The following RP1 variants were observed in gnomAD, a reference collection of about 807,000 sequenced individuals.
The protein encoded by RP1 is RP1 axonemal microtubule associated, also known as oxygen-regulated protein 1.
In RP1, 16 loss-of-function variants were observed where a neutral mutation model predicts 14.8. The observed-to-expected ratio is 1.08, with a 90% CI of 0.73 to 1.65. The LOEUF is 1.65. Ranked by LOEUF, RP1 falls within the 40% of genes most tolerant of loss-of-function variation. The pLI, the probability that RP1 is intolerant of heterozygous loss-of-function variation, is 0.00. For missense variants in RP1, 2,631 were observed against 2,535.0 expected (o/e 1.04, Z -0.81); for synonymous variants, 876 against 883.6 (o/e 0.99, Z 0.15).
chr8:54,581,639 C>T (rs1804794053), intron 1 of RP1, among the ~76,000 whole-genome samples: 1 of 152,156 alleles, frequency 6.6e-6, no homozygotes, highest in African/African-American at 2.4e-5. Flanking sequence ...AAAACTATTC[C>T]TATTTCTCCA....
intron 24 of RP1, among the ~76,000 whole-genome samples, chr8:54,800,880 T>C (rs909825536): frequency 1.3e-5 from 2 of 152,216 alleles, no homozygotes; most frequent in Admixed American, 6.5e-5. Flanking sequence ...ACTATTCAGA[T>C]TGTGGTTTCC....
intron 19 of RP1, among the ~76,000 whole-genome samples, chr8:54,748,616 T>C (rs1809284275): frequency 6.6e-6 from 1 of 152,242 alleles, no homozygotes; most frequent in African/African-American, 2.4e-5. Context: ...GCAAGAACAC[T>C]TAAAATGTTC....
chr8:54,628,572 G>T lies in RP1; in HGVS notation c.4690G>T (p.Val1564Leu), dbSNP rs1413225544. The T allele has an allele frequency of 6.2e-7, 1 of 1,613,836 alleles. No individual in the cohort carries two copies. Among genetic ancestry groups the T allele is most frequent in the East Asian group, 2.2e-5 (1 of 44,886 alleles). ...AGAAACTAAGATGGTAAAAATGATG[G>T]TGAAAACTATGGAAACTGGAAGTTA... The part of the protein sequence containing the change: ...EGETKMVKMM[V>L]KTMETGSYSE... Residue 1564 changes from valine to leucine, a missense_variant, in exon 4 of 4, where the codon GTG becomes TTG. Transcript: ENST00000220676.
In RP1 at chr8:54,575,968, C is replaced by T. The variant is rs191126058; in HGVS notation, c.-13+16648C>T. Among the ~76,000 whole-genome samples, 14 of 152,056 alleles carry T rather than the reference C, an allele frequency of 9.2e-5. No homozygotes were observed. In the East Asian group the frequency reaches 2.5e-3, roughly 27 times the overall value. ...TACTTTCTTAAACATTCTGTAGTTGCTGCATTAAAAGGTTCCCACCTGTGT... is the reference window on the plus strand; with the variant it reads ...TACTTTCTTAAACATTCTGTAGTTGTTGCATTAAAAGGTTCCCACCTGTGT... On this transcript the variant is annotated intron_variant, in intron 1 of 22. Transcript: ENST00000636932.
At chr8:54,720,004 A>G in intron 15 of RP1, 4 of 787,868 alleles carry the variant, frequency 5.1e-6, no homozygotes, top group Middle Eastern at 3.4e-4. Flanking sequence ...TTTACGTAAA[A>G]AGGCTCTAGA....
intron 24 of RP1, among the ~76,000 whole-genome samples, chr8:54,793,812 G>T (rs1002076942): frequency 7.2e-5 from 11 of 151,864 alleles, no homozygotes; most frequent in Admixed American, 2.0e-4. Context: ...ACATAGTACT[G>T]GAAGTGCTAG....
At chr8:54,863,044 GATATATATATATATATATAT>G (rs61233765) in intron 27 of RP1, among the ~76,000 whole-genome samples, 22 of 101,834 alleles carry the variant, frequency 2.2e-4, no homozygotes, top group African/African-American at 5.2e-4. Context: ...ATTCCAAATG[GATATATATATATATATATAT>G]ATATATATAT....
At chr8:54,582,043 T>C (rs1423094863) in intron 1 of RP1, among the ~76,000 whole-genome samples, 5 of 152,244 alleles carry the variant, frequency 3.3e-5, no homozygotes, top group South Asian at 2.1e-4. Flanking sequence ...TTTGTTGCCA[T>C]TGCTTTTGAT....
At chr8:54,801,373 C>T (rs564637315) in intron 24 of RP1, among the ~76,000 whole-genome samples, 6 of 152,284 alleles carry the variant, frequency 3.9e-5, no homozygotes, top group South Asian at 4.1e-4. Context: ...CAAGTATTCC[C>T]GCTTCTCCTC....
chr8:54,798,741 C>G (rs148809794), intron 24 of RP1, among the ~76,000 whole-genome samples: 38 of 152,232 alleles, frequency 2.5e-4, no homozygotes, highest in African/African-American at 8.4e-4. Flanking sequence ...AGGAAACATT[C>G]TTCATCTTTT....
intron 24 of RP1, among the ~76,000 whole-genome samples, chr8:54,816,535 A>T (rs1811136183): frequency 6.6e-6 from 1 of 152,238 alleles, no homozygotes; most frequent in Non-Finnish European, 1.5e-5. Context: ...GAGATAAAAT[A>T]TGTGGCTTAG....
intron 24 of RP1, among the ~76,000 whole-genome samples, chr8:54,821,084 G>A (rs899714141): frequency 5.3e-5 from 8 of 152,200 alleles, no homozygotes; most frequent in South Asian, 4.2e-4. Flanking sequence ...TGAGGGACAC[G>A]CCAGAAATTA....
At chr8:54,616,348 T>G (rs1284649462) in intron 1 of RP1, 146 bp downstream of exon 1, 1 of 152,232 alleles carries the variant, frequency 6.6e-6, no homozygotes, top group Admixed American at 6.5e-5. Context: ...ATAATTATCT[T>G]TTACCTAACT....
At chr8:54,867,411 A>T (rs1812482867) in intron 28 of RP1, among the ~76,000 whole-genome samples, 2 of 152,152 alleles carry the variant, frequency 1.3e-5, no homozygotes, top group Admixed American at 1.3e-4. Context: ...TTTTTGAAAG[A>T]AATCTTAGTG....
intron 25 of RP1, chr8:54,837,704 A>G: frequency 8.9e-7 from 1 of 1,128,542 alleles, no homozygotes; most frequent in Admixed American, 4.2e-5. Context: ...ATGTGTATTG[A>G]AAATTAAAAT....
intron 24 of RP1, among the ~76,000 whole-genome samples, chr8:54,812,794 T>TATCTATCTATCTATC (rs1554535908): frequency 8.6e-5 from 13 of 150,624 alleles, no homozygotes; most frequent in Non-Finnish European, 1.6e-4. Flanking sequence ...TCTATCTATC[T>TATCTATCTATCTATC]ATCTATCTAT....
chr8:54,788,568 C>T (rs1483267304), intron 24 of RP1, among the ~76,000 whole-genome samples: 1 of 152,010 alleles, frequency 6.6e-6, no homozygotes, highest in Non-Finnish European at 1.5e-5. Flanking sequence ...TAAGCAGTTC[C>T]CTGTTGACAT....
At chr8:54,663,677 G>GT in intron 6 of RP1, 13 of 1,505,752 alleles carry the variant, frequency 8.6e-6, no homozygotes, top group South Asian at 3.9e-5. Flanking sequence ...GGCACTGAAA[G>GT]TTTTTTTTCT....
At chr8:54,698,817 T>C (rs1807937350) in intron 12 of RP1, among the ~76,000 whole-genome samples, 1 of 151,940 alleles carries the variant, frequency 6.6e-6, no homozygotes, top group Admixed American at 6.6e-5. Context: ...ATGTTTTCAC[T>C]CATAAGTGGG....
Sources: gnomAD v4.1 joint callset for allele counts (sites outside exome capture counted in the v4.1 genomes callset) on GRCh38, gnomAD v4.1.1 for gene constraint, MANE v1.5 for transcripts, NCBI Gene and HGNC (gene_info 2026-07-23, HGNC 2026-07-21) for gene names.